TENM2: variants seen among roughly 807,000 people sequenced by gnomAD.
TENM2 encodes the protein teneurin-2.
A neutral mutation model predicts 245.2 loss-of-function variants in TENM2; 52 were observed. The observed-to-expected ratio is 0.21, with a 90% CI of 0.17 to 0.27. TENM2 has a LOEUF of 0.27. Among genes scored for constraint, TENM2 ranks in the 10% least tolerant of loss-of-function variants. The pLI is 1.00. For missense variants in TENM2, 3,046 were observed against 3,666.8 expected (o/e 0.83, Z 4.37); for synonymous variants, 1,363 against 1,438.9 (o/e 0.95, Z 1.19).
chr5:168,036,247 A>G (rs766347562), intron 5 of TENM2, among the ~76,000 whole-genome samples: 12 of 152,200 alleles, frequency 7.9e-5, no homozygotes, highest in Non-Finnish European at 1.6e-4. Context: ...CAGAAATGCC[A>G]CAACAGTCTG....
intron 2 of TENM2, among the ~76,000 whole-genome samples, chr5:167,846,835 G>A (rs1770087155): frequency 6.6e-6 from 1 of 152,158 alleles, no homozygotes; most frequent in South Asian, 2.1e-4. Context: ...AAAGAAGGTT[G>A]TGTGAATTGA....
chr5:167,064,764 G>A, the TENM2 span, among the ~76,000 whole-genome samples: 2 of 152,016 alleles, frequency 1.3e-5, no homozygotes, highest in African/African-American at 2.4e-5. Flanking sequence ...TACTATGTTC[G>A]GTGCTAAAAG....
At chr5:167,859,555 G>A (rs1771499525) in intron 2 of TENM2, among the ~76,000 whole-genome samples, 8 of 106,136 alleles carry the variant, frequency 7.5e-5, no homozygotes, top group African/African-American at 3.1e-4. Context: ...CGGGAGGGAG[G>A]TGGGGGGGTC....
rs1581664176 is a variant in TENM2 at position 167,285,726 on chromosome 5, G to T, written c.226+663G>T. 2.0e-5 allele frequency among the ~76,000 whole-genome samples: 3 copies of T among 152,214 alleles called. No individual in the cohort carries two copies. The South Asian group carries it at 6.2e-4, about 31-fold the overall frequency. ...CAGTGCTGAGAGGTGGTGTGACAAAGCTCACTCTCTAGCTCCATGTCTTAC... is the reference window on the plus strand; with the variant it reads ...CAGTGCTGAGAGGTGGTGTGACAAATCTCACTCTCTAGCTCCATGTCTTAC... On this transcript the variant is annotated intron_variant, in intron 1 of 28. Transcript: ENST00000518659.
At chr5:167,559,540 G>A (rs1353472477) in intron 2 of TENM2, among the ~76,000 whole-genome samples, 1 of 152,132 alleles carries the variant, frequency 6.6e-6, no homozygotes, top group Non-Finnish European at 1.5e-5. Flanking sequence ...ACAGTCCTCA[G>A]AACCATCATT....
chr5:168,051,879 A>G (rs1320063104), intron 6 of TENM2, among the ~76,000 whole-genome samples: 1 of 152,230 alleles, frequency 6.6e-6, no homozygotes, highest in Non-Finnish European at 1.5e-5. Context: ...TTAGTTGTTG[A>G]AACTGATGTC....
At chr5:167,446,702 G>T (rs371108791) in intron 2 of TENM2, among the ~76,000 whole-genome samples, 1 of 150,884 alleles carries the variant, frequency 6.6e-6, no homozygotes, top group African/African-American at 2.4e-5. Context: ...ACTTTTTTGG[G>T]GGGGGGGATT....
At chr5:167,755,054 A>T (rs201837161) in intron 2 of TENM2, 6 of 1,597,362 alleles carry the variant, frequency 3.8e-6, no homozygotes, top group African/African-American at 2.7e-5. Flanking sequence ...GCTTACGCCG[A>T]TGGTGAGCCC....
chr5:167,771,133 CA>C (rs1219961246), intron 2 of TENM2, among the ~76,000 whole-genome samples: 1 of 152,042 alleles, frequency 6.6e-6, no homozygotes, highest in African/African-American at 2.4e-5. Context: ...TTCAATCGGT[CA>C]CTCTCTCTCT....
At chr5:167,802,813 T>C (rs1331349132) in intron 2 of TENM2, among the ~76,000 whole-genome samples, 1 of 152,142 alleles carries the variant, frequency 6.6e-6, no homozygotes, top group Admixed American at 6.5e-5. Flanking sequence ...TGTAGGTGCA[T>C]TGTAGTGCAA....
chr5:167,863,181 T>TA (rs1771983087), intron 2 of TENM2, among the ~76,000 whole-genome samples: 1 of 152,218 alleles, frequency 6.6e-6, no homozygotes, highest in South Asian at 2.1e-4. Flanking sequence ...TGGAAGGATT[T>TA]CGTAAATTAC....
chr5:168,003,304 AAAACAC>A (rs765489495), intron 5 of TENM2, among the ~76,000 whole-genome samples: 13 of 53,688 alleles, frequency 2.4e-4, no homozygotes, highest in East Asian at 1.4e-3. Flanking sequence ...TTTTTAAGAA[AAAACAC>A]ACACACACAC....
At chr5:167,654,243 C>CTAAA (rs1754680424) in intron 2 of TENM2, among the ~76,000 whole-genome samples, 1 of 151,974 alleles carries the variant, frequency 6.6e-6, no homozygotes, top group Non-Finnish European at 1.5e-5. Flanking sequence ...GTAAACTTGC[C>CTAAA]TCCTACCAGA....
chr5:167,492,895 G>A (rs12659544), intron 2 of TENM2, among the ~76,000 whole-genome samples: 32,846 of 151,954 alleles, frequency 0.22, 3,561 homozygotes, highest in East Asian at 0.35. Flanking sequence ...AGTCTACAAT[G>A]CTAAGGTATA....
the TENM2 span, among the ~76,000 whole-genome samples, chr5:167,044,013 C>T: frequency 1.6e-5 from 2 of 127,286 alleles, no homozygotes; most frequent in African/African-American, 2.9e-5. Context: ...AGCGAGACTG[C>T]ATCTCAAATA....
chr5:167,442,350 T>C (rs7724862), intron 2 of TENM2, among the ~76,000 whole-genome samples: 30,682 of 152,148 alleles, frequency 0.2, 3,643 homozygotes, highest in East Asian at 0.26. Context: ...TACAAAATGC[T>C]GTGATAAACA....
At chr5:167,465,656 C>T (rs1349380266) in intron 2 of TENM2, among the ~76,000 whole-genome samples, 4 of 152,114 alleles carry the variant, frequency 2.6e-5, no homozygotes, top group Non-Finnish European at 4.4e-5. Context: ...GGTGAAACCC[C>T]GTGTCTACTA....
the TENM2 span, among the ~76,000 whole-genome samples, chr5:167,062,657 C>T: frequency 1.3e-5 from 2 of 152,140 alleles, no homozygotes; most frequent in South Asian, 2.1e-4. Flanking sequence ...CAGGTGAACA[C>T]GACAGGCAAG....
At chr5:167,740,755 A>C (rs1407224597) in intron 2 of TENM2, among the ~76,000 whole-genome samples, 3 of 152,178 alleles carry the variant, frequency 2.0e-5, no homozygotes, top group Non-Finnish European at 2.9e-5. Context: ...TTTATTCTGC[A>C]AGACTGATGA....
Sources: gnomAD v4.1 joint callset for allele counts (sites outside exome capture counted in the v4.1 genomes callset) on GRCh38, gnomAD v4.1.1 for gene constraint, MANE v1.5 for transcripts, NCBI Gene and HGNC (gene_info 2026-07-23, HGNC 2026-07-21) for gene names.